The following SNX8 variants were observed in gnomAD, a reference collection of about 807,000 sequenced individuals.
The protein encoded by SNX8 is sorting nexin-8.
In SNX8, 25 loss-of-function variants were observed where a neutral mutation model predicts 51.6. The ratio of observed to expected loss-of-function variants is 0.48; its 90% CI spans 0.35 to 0.68. SNX8 has a LOEUF of 0.68. SNX8 is among the 30% of genes least tolerant of loss of function. SNX8 has a pLI of 0.00. For synonymous variants in SNX8, 324 were observed against 277.0 expected, an observed-to-expected ratio of 1.17 and a Z score of -1.68; for missense variants, 695 against 624.0, an observed-to-expected ratio of 1.11 and a Z score of -1.21.
At chr7:2,350,999 G>C (rs980945273) in intron 1 of SNX8, among the ~76,000 whole-genome samples, 1 of 152,136 alleles carries the variant, frequency 6.6e-6, no homozygotes, top group African/African-American at 2.4e-5. Flanking sequence ...CACGCCTATA[G>C]TCTCAACTAC....
chr7:2,354,069 C>G (rs935427974), intron 1 of SNX8: 2 of 152,302 alleles, frequency 1.3e-5, no homozygotes, highest in African/African-American at 4.8e-5. Context: ...GCGGCGAGGA[C>G]CCGCCCCCGC....
chr7:2,323,730 G>A (rs148397403), intron 1 of SNX8, among the ~76,000 whole-genome samples: 1,657 of 152,294 alleles, frequency 0.011, 21 homozygotes, highest in African/African-American at 0.038. Context: ...TGCCTGGCAC[G>A]CCAGAAGCCA....
intron 10 of SNX8, among the ~76,000 whole-genome samples, chr7:2,255,683 G>A (rs1249893821): frequency 2.6e-5 from 4 of 152,162 alleles, no homozygotes; most frequent in African/African-American, 4.8e-5. Flanking sequence ...CTCCAGCTTG[G>A]GTGACAGAGC....
intron 1 of SNX8, among the ~76,000 whole-genome samples, chr7:2,319,467 TTGGCCAACCA>T (rs1380940350): frequency 6.7e-6 from 1 of 150,104 alleles, no homozygotes; most frequent in East Asian, 2.0e-4. Context: ...CAAGACAAGC[TTGGCCAACCA>T]TGGCCAACAT....
chr7:2,268,883 G>A (rs1378257383), intron 5 of SNX8, among the ~76,000 whole-genome samples: 27 of 22,560 alleles, frequency 1.2e-3, no homozygotes, highest in African/African-American at 5.4e-3. Flanking sequence ...CCGGCCAGCC[G>A]CCCCGTCCGG....
At chr7:2,292,972 A>G (rs1796187770) in intron 1 of SNX8, among the ~76,000 whole-genome samples, 1 of 152,028 alleles carries the variant, frequency 6.6e-6, no homozygotes, top group Admixed American at 6.5e-5. Flanking sequence ...GTGAGCTACA[A>G]TCGTGCCACT....
chr7:2,254,421 G>A lies in SNX8; in HGVS notation c.*635C>T, dbSNP rs953050943. ...TCTTCCAGGCCTGGGCACACACAGG[G>A]TCATGGTGTGGACACAGGCACACAT... On this transcript the variant is annotated 3_prime_UTR_variant, in exon 11 of 11. Coordinates refer to ENST00000222990, the MANE Select transcript of SNX8 (RefSeq NM_013321.4). 2.6e-5 allele frequency: 4 copies of A among 155,252 alleles called. No individual in the cohort carries two copies. Among genetic ancestry groups the A allele is most frequent in the African/African-American group, 9.6e-5 (4 of 41,482 alleles). The allele number at this position is 155,252 out of a possible 1,614,324, so 9.6% of individuals were successfully genotyped here.
intron 1 of SNX8, among the ~76,000 whole-genome samples, chr7:2,335,672 A>G (rs976561712): frequency 6.6e-6 from 1 of 151,620 alleles, no homozygotes; most frequent in Non-Finnish European, 1.5e-5. Flanking sequence ...GCGTGGTGGC[A>G]GGCGCCTGTA....
intron 1 of SNX8, among the ~76,000 whole-genome samples, chr7:2,339,840 C>G (rs561493637): frequency 3.8e-4 from 58 of 152,016 alleles, no homozygotes; most frequent in Admixed American, 9.2e-4. Context: ...TTAAAAAGAA[C>G]AGAATAGAGA....
At chr7:2,327,144 G>A (rs148092395) in intron 1 of SNX8, among the ~76,000 whole-genome samples, 38 of 152,148 alleles carry the variant, frequency 2.5e-4, no homozygotes, top group Non-Finnish European at 4.6e-4. Context: ...GGGGGTTCCT[G>A]GTTTGTGAAC....
At chr7:2,257,314 G>A (rs1453615044) in intron 9 of SNX8, 51 bp downstream of exon 9, 4 of 1,571,950 alleles carry the variant, frequency 2.5e-6, no homozygotes, top group Middle Eastern at 2.2e-4. Flanking sequence ...TCCCACCATG[G>A]CCGGGAGGGG....
At chr7:2,273,481 G>A (rs941500303) in intron 3 of SNX8, among the ~76,000 whole-genome samples, 2 of 151,402 alleles carry the variant, frequency 1.3e-5, no homozygotes, top group Non-Finnish European at 2.9e-5. Context: ...AGCTACTTGG[G>A]AGACTCAGGC....
chr7:2,318,480 T>C (rs1416117829), upstream of SNX8, among the ~76,000 whole-genome samples: 6 of 146,138 alleles, frequency 4.1e-5, no homozygotes, highest in Non-Finnish European at 8.9e-5. Flanking sequence ...GCCAAGATCA[T>C]GCCACTGCAC....
chr7:2,350,814 A>T (rs1047095527), intron 1 of SNX8, among the ~76,000 whole-genome samples: 1 of 151,714 alleles, frequency 6.6e-6, no homozygotes, highest in Non-Finnish European at 1.5e-5. Flanking sequence ...ACCCGGCTAA[A>T]TTTTGTATTT....
chr7:2,293,604 G>A lies in SNX8; in HGVS notation c.95-15299C>T, dbSNP rs148611535. Among the ~76,000 whole-genome samples the A allele has an allele frequency of 3.9e-3, 590 of 151,846 alleles. 1 individual carries two copies. The highest frequency in any genetic ancestry group is 0.013 in the African/African-American group (549 of 41,396). On this transcript the variant is annotated intron_variant, in intron 1 of 10. Transcript: ENST00000222990. ...TTGAACCCAGGAGGTGATGGTTGCA[G>A]TGAGCCAAGATAGCGCCATTGTACT...
chr7:2,300,021 A>C (rs1172781584), intron 1 of SNX8, among the ~76,000 whole-genome samples: 1 of 152,216 alleles, frequency 6.6e-6, no homozygotes, highest in Non-Finnish European at 1.5e-5. Flanking sequence ...GAACGCAATT[A>C]ATCAACCAGA....
chr7:2,268,350 G>A (rs1374995276), intron 5 of SNX8, among the ~76,000 whole-genome samples: 27 of 142,218 alleles, frequency 1.9e-4, no homozygotes, highest in African/African-American at 4.5e-4. Context: ...CCCGGCAGCT[G>A]CCCTGTCTGA....
intron 1 of SNX8, among the ~76,000 whole-genome samples, chr7:2,287,166 AGAGATAGGGTCTC>A (rs892741562): frequency 1.3e-5 from 2 of 151,506 alleles, no homozygotes; most frequent in African/African-American, 4.9e-5. Flanking sequence ...AATTTTTCAT[AGAGATAGGGTCTC>A]GCCATGTTGC....
chr7:2,327,651 C>T (rs1156382457), intron 1 of SNX8, among the ~76,000 whole-genome samples: 3 of 151,266 alleles, frequency 2.0e-5, no homozygotes, highest in Non-Finnish European at 4.4e-5. Context: ...TCATGATCCG[C>T]CCGCCTCGGC....
Sources: allele counts gnomAD v4.1 joint callset (sites outside exome capture counted in the v4.1 genomes callset), GRCh38; gene constraint gnomAD v4.1.1; transcripts MANE v1.5; gene names NCBI Gene and HGNC (gene_info 2026-07-23, HGNC 2026-07-21).